ARID5B: variants seen among roughly 807,000 people sequenced by gnomAD.
ARID5B encodes AT-rich interactive domain-containing protein 5B.
A neutral mutation model predicts 97.2 loss-of-function variants in ARID5B; 13 were observed. The ratio of observed to expected loss-of-function variants is 0.13; its 90% CI spans 0.09 to 0.21. The LOEUF (loss-of-function observed/expected upper bound fraction) is 0.21, where lower values mean the gene tolerates loss of function less well. Among genes scored for constraint, ARID5B ranks in the 10% least tolerant of loss-of-function variants. The probability of loss-of-function intolerance (pLI) is 1.00; values close to 1 mark genes in which losing one functional copy is unlikely to be tolerated. For synonymous variants in ARID5B, 556 were observed against 570.3 expected, an observed-to-expected ratio of 0.97 and a Z score of 0.36; for missense variants, 1,210 against 1,465.3, an observed-to-expected ratio of 0.83 and a Z score of 2.84.
intron 3 of ARID5B, among the ~76,000 whole-genome samples, chr10:61,945,077 G>A (rs1844478103): frequency 6.6e-6 from 1 of 152,142 alleles, no homozygotes; most frequent in African/African-American, 2.4e-5. Flanking sequence ...GGTTAAAAGA[G>A]CAGAGGGTGG....
intron 4 of ARID5B, among the ~76,000 whole-genome samples, chr10:62,008,275 T>C (rs1313918273): frequency 2.6e-5 from 4 of 152,186 alleles, no homozygotes; most frequent in African/African-American, 9.6e-5. Context: ...GTTTCACAGA[T>C]AAGGACACTG....
rs140363921 is a variant in ARID5B at position 62,000,354 on chromosome 10, T to C, written c.733+33T>C. The stretch of plus-strand genomic sequence containing the variant: ...TTTTTTTTTTTTTCCTACCTGATTC[T>C]TGTGCGTGTGTGCCTAGTTGTTTTC... On this transcript the variant is annotated intron_variant, in intron 4 of 9. Transcript: ENST00000279873. The surrounding 1 kb of genome is among the most constrained non-coding windows in gnomAD (Gnocchi z 4.4). 8,060 of 1,532,630 alleles carry C rather than the reference T, an allele frequency of 5.3e-3. 31 individuals carry two copies. The highest frequency in any genetic ancestry group is 9.8e-3 in the South Asian group (822 of 84,172). 94.9% of individuals were successfully genotyped at this position (1,532,630 alleles called of 1,614,324 possible).
chr10:61,965,029 G>A (rs893018130), intron 3 of ARID5B, among the ~76,000 whole-genome samples: 1 of 152,090 alleles, frequency 6.6e-6, no homozygotes, highest in Non-Finnish European at 1.5e-5. Flanking sequence ...CTTTGGGGCC[G>A]GAAATCATTT....
chr10:62,019,103 C>T (rs1839321125), intron 4 of ARID5B, among the ~76,000 whole-genome samples: 1 of 152,102 alleles, frequency 6.6e-6, no homozygotes, highest in Non-Finnish European at 1.5e-5. Flanking sequence ...TGTTGGAGCT[C>T]TGGATTCAGC....
chr10:61,997,232 G>T (rs1035721960), intron 3 of ARID5B, among the ~76,000 whole-genome samples: 15 of 151,762 alleles, frequency 9.9e-5, no homozygotes, highest in Non-Finnish European at 1.8e-4. Context: ...AGTGTTTTGG[G>T]TACTGCGTGA....
intron 3 of ARID5B, among the ~76,000 whole-genome samples, chr10:61,942,330 A>C (rs1182811606): frequency 6.6e-6 from 1 of 152,232 alleles, no homozygotes; most frequent in African/African-American, 2.4e-5. Context: ...GAATATTCAC[A>C]GTACTTGCAG....
chr10:61,966,348 C>G (rs575270409), intron 3 of ARID5B, among the ~76,000 whole-genome samples: 1 of 152,100 alleles, frequency 6.6e-6, no homozygotes, highest in Non-Finnish European at 1.5e-5. Context: ...CCCTCCTCCC[C>G]CAAGAAGTCA....
intron 3 of ARID5B, among the ~76,000 whole-genome samples, chr10:61,990,783 T>A (rs539893332): frequency 6.6e-6 from 1 of 152,330 alleles, no homozygotes; most frequent in East Asian, 1.9e-4. Context: ...ATTTTAACCA[T>A]TTTTAAGTGC....
chr10:61,909,019 A>G (rs1279197976), intron 2 of ARID5B, among the ~76,000 whole-genome samples: 1 of 152,064 alleles, frequency 6.6e-6, no homozygotes, highest in African/African-American at 2.4e-5. Flanking sequence ...TCTTTGAATT[A>G]TTACTTCCTG....
In ARID5B at chr10:62,093,099, G is replaced by A; in HGVS notation, c.*69G>A. On this transcript the variant is annotated 3_prime_UTR_variant, in exon 10 of 10. Coordinates refer to ENST00000279873, the MANE Select transcript of ARID5B (RefSeq NM_032199.3). ...CTTCACTCCTTACCCAGGAGTGCTG[G>A]CTTATAGAGTTAGAAGTCAGTATTT... 1 of 1,520,684 alleles carries A rather than the reference G, an allele frequency of 6.6e-7. No homozygotes were observed. Among genetic ancestry groups the A allele is most frequent in the Non-Finnish European group, 8.8e-7 (1 of 1,142,566 alleles). The allele number at this position is 1,520,684 out of a possible 1,614,324, so 94.2% of individuals were successfully genotyped here.
chr10:62,035,738 A>G (rs1188356596), intron 4 of ARID5B, among the ~76,000 whole-genome samples: 1 of 151,840 alleles, frequency 6.6e-6, no homozygotes, highest in Non-Finnish European at 1.5e-5. Context: ...ACCAACCCAA[A>G]GCATACTTTG....
intron 7 of ARID5B, among the ~76,000 whole-genome samples, chr10:62,067,363 G>C (rs1026380799): frequency 6.6e-6 from 1 of 152,224 alleles, no homozygotes; most frequent in Non-Finnish European, 1.5e-5. Context: ...GGTTATAGGC[G>C]TGAGCCACCA....
chr10:62,025,813 A>G (rs1256303686), intron 4 of ARID5B, among the ~76,000 whole-genome samples: 2 of 129,924 alleles, frequency 1.5e-5, no homozygotes, highest in African/African-American at 2.8e-5. Flanking sequence ...GTGGAAGCGA[A>G]AAAAAAAAAA....
At chr10:61,957,488 C>T (rs529605228) in intron 3 of ARID5B, among the ~76,000 whole-genome samples, 3 of 152,268 alleles carry the variant, frequency 2.0e-5, no homozygotes, top group South Asian at 2.1e-4. Flanking sequence ...AGGCTGGTCT[C>T]GAACTCGTGG....
At chr10:61,991,757 C>G (rs556163283) in intron 3 of ARID5B, among the ~76,000 whole-genome samples, 1 of 152,260 alleles carries the variant, frequency 6.6e-6, no homozygotes, top group Non-Finnish European at 1.5e-5. Context: ...AGGCCAGGCA[C>G]GGTGGCTCAC....
chr10:61,915,447 T>C (rs966057698), intron 2 of ARID5B, among the ~76,000 whole-genome samples: 1 of 152,086 alleles, frequency 6.6e-6, no homozygotes, highest in Non-Finnish European at 1.5e-5. Flanking sequence ...ATCATTTGAG[T>C]TGAGGTCTAA....
intron 8 of ARID5B, among the ~76,000 whole-genome samples, chr10:62,071,732 T>C (rs982627537): frequency 2.0e-5 from 3 of 152,120 alleles, no homozygotes; most frequent in Non-Finnish European, 2.9e-5. Context: ...CATTAGAAAA[T>C]TTTAGTAGAT....
At chr10:62,015,110 C>G (rs964647810) in intron 4 of ARID5B, among the ~76,000 whole-genome samples, 5 of 152,098 alleles carry the variant, frequency 3.3e-5, no homozygotes, top group African/African-American at 1.2e-4. Context: ...GAGAGCATAC[C>G]ATGTATCAGG....
chr10:61,929,536 A>G (rs1844167918), intron 2 of ARID5B, among the ~76,000 whole-genome samples: 1 of 152,194 alleles, frequency 6.6e-6, no homozygotes, highest in Non-Finnish European at 1.5e-5. Flanking sequence ...AGACTCGTAT[A>G]TTATAGTTGC....
Sources: gnomAD v4.1 joint callset for allele counts (sites outside exome capture counted in the v4.1 genomes callset) on GRCh38, gnomAD v4.1.1 for gene constraint, Gnocchi (gnomAD v3.1) non-coding constraint, MANE v1.5 for transcripts, NCBI Gene and HGNC (gene_info 2026-07-23, HGNC 2026-07-21) for gene names.